The following MADD variants were observed in gnomAD, a reference collection of about 807,000 sequenced individuals.
MADD encodes MAP kinase-activating death domain protein.
Under a neutral mutation model 176.7 loss-of-function variants are expected in MADD, and 109 were observed. The observed-to-expected ratio is 0.62, with a 90% CI of 0.53 to 0.72. The LOEUF (loss-of-function observed/expected upper bound fraction) is 0.72, where lower values mean the gene tolerates loss of function less well. Among genes scored for constraint, MADD ranks in the 30% least tolerant of loss-of-function variants. The pLI, the probability that MADD is intolerant of heterozygous loss-of-function variation, is 0.00. For synonymous variants in MADD, 771 were observed against 771.3 expected, an observed-to-expected ratio of 1.00 and a Z score of 0.01; for missense variants, 1,914 against 2,045.5, an observed-to-expected ratio of 0.94 and a Z score of 1.24.
chr11:47,292,391 C>T (rs1446796511), intron 19 of MADD, 152 bp from the exon 21 acceptor site: 28 of 712,614 alleles, frequency 3.9e-5, no homozygotes, highest in Non-Finnish European at 6.8e-5. Flanking sequence ...TGTTTTCTGC[C>T]CCTTCTCCCC....
exon 23 of MADD, chr11:47,308,605 C>T: frequency 9.3e-6 from 15 of 1,613,894 alleles, no homozygotes; most frequent in Non-Finnish European, 1.3e-5. Context: ...AAGCCCACAG[C>T]TTGAAGCCAA....
intron 19 of MADD, 63 bp from the exon 21 acceptor site, chr11:47,292,480 C>CCATTGGGA: frequency 6.7e-7 from 1 of 1,496,824 alleles, no homozygotes; most frequent in Non-Finnish European, 9.3e-7. Context: ...GTTTCCATTT[C>CCATTGGGA]GTCTGTCTGA....
At chr11:47,295,656 T>C in intron 21 of MADD, 77 bp downstream of exon 23, 2 of 1,600,478 alleles carry the variant, frequency 1.2e-6, no homozygotes, top group Non-Finnish European at 1.7e-6. Flanking sequence ...ACTTTCTCTT[T>C]GGAGGCTGCT....
At chr11:47,275,186 G>C in intron 3 of MADD, 27 bp downstream of exon 3, 2 of 1,580,082 alleles carry the variant, frequency 1.3e-6, no homozygotes, top group Non-Finnish European at 1.7e-6. Flanking sequence ...ATGCCTAATG[G>C]GGGAAGCATT....
At chr11:47,272,431 T>G (rs1965664439) in intron 1 of MADD, 3 of 152,190 alleles carry the variant, frequency 2.0e-5, no homozygotes, top group African/African-American at 7.2e-5. Flanking sequence ...AGTGTGTATG[T>G]CTGTATATAT....
At chr11:47,327,454 C>T (rs1246754509) in intron 31 of MADD, 1 of 985,332 alleles carries the variant, frequency 1.0e-6, no homozygotes, top group Non-Finnish European at 1.2e-6. Flanking sequence ...GGTAAAGTGA[C>T]CTCGGCTCGT....
chr11:47,297,793 T>C lies in MADD; in HGVS notation c.3642+1738T>C, dbSNP rs866952290. ...TTTTCTTTTCTTTCTTTCTTTCTTTTTTTTTTTTTTTTTGAGATAGAATCT... is the reference window on the plus strand; with the variant it reads ...TTTTCTTTTCTTTCTTTCTTTCTTTCTTTTTTTTTTTTTGAGATAGAATCT... On this transcript the variant is annotated intron_variant, in intron 22 of 32. Coordinates refer to ENST00000402192, the Ensembl canonical transcript of MADD. Among the ~76,000 whole-genome samples, 69 of 144,668 alleles carry C rather than the reference T, an allele frequency of 4.8e-4. 1 individual carries two copies. The highest frequency in any genetic ancestry group is 5.6e-4 in the African/African-American group (22 of 39,204). 94.9% of individuals were successfully genotyped at this position (144,668 alleles called of 152,430 possible).
chr11:47,303,607 CTT>C lies in MADD; in HGVS notation c.3643-4967_3643-4966del, dbSNP rs137937344. On this transcript the variant is annotated intron_variant, in intron 22 of 32. Transcript: ENST00000402192. ...TGACTGTAATGTACCTTGGAGAGGC[CTT>C]TTTTTTTTTTTTTTTTGAGACAGTC... Among the ~76,000 whole-genome samples the C allele has an allele frequency of 3.5e-3, 372 of 105,514 alleles. 1 individual carries two copies. Among genetic ancestry groups the C allele is most frequent in the African/African-American group, 0.012 (317 of 26,998 alleles). 69.2% of individuals were successfully genotyped at this position (105,514 alleles called of 152,430 possible). A position where few individuals can be genotyped will look rare whatever the true frequency, so the allele number is the denominator to read the frequency against.
chr11:47,315,423 T>A (rs1351485360), intron 27 of MADD, 96 bp downstream of exon 30: 3 of 676,920 alleles, frequency 4.4e-6, no homozygotes, highest in Non-Finnish European at 7.9e-6. Flanking sequence ...TTTATCTCAT[T>A]CATCTTCATG....
At chr11:47,302,180 G>A (rs1279120660) in intron 22 of MADD, among the ~76,000 whole-genome samples, 1 of 151,966 alleles carries the variant, frequency 6.6e-6, no homozygotes, top group African/African-American at 2.4e-5. Context: ...TCCTCTTATT[G>A]TTATTACATA....
At chr11:47,269,284 GTAAA>G (rs911364823), upstream of MADD, 3 of 152,540 alleles carry the variant, frequency 2.0e-5, no homozygotes, top group Non-Finnish European at 2.9e-5. Flanking sequence ...CGCCATATGG[GTAAA>G]TGGAATGCTG....
At chr11:47,273,944 G>C in exon 2 of MADD, 1 of 1,614,102 alleles carries the variant, frequency 6.2e-7, no homozygotes, top group Non-Finnish European at 8.5e-7. Flanking sequence ...TCTGTCCTCG[G>C]TTACTTGACT....
At chr11:47,277,142 A>G (rs2050775574) in intron 5 of MADD, among the ~76,000 whole-genome samples, 1 of 152,182 alleles carries the variant, frequency 6.6e-6, no homozygotes, top group South Asian at 2.1e-4. Flanking sequence ...TCTGTGGAGG[A>G]CACATTCCAA....
intron 26 of MADD, among the ~76,000 whole-genome samples, chr11:47,314,999 C>T (rs534184759): frequency 2.2e-4 from 33 of 152,070 alleles, no homozygotes; most frequent in African/African-American, 7.5e-4. Flanking sequence ...ATAAATATAA[C>T]TCACATAAAC....
At chr11:47,328,161 C>T (rs2095659095) in intron 31 of MADD, 1 of 1,021,506 alleles carries the variant, frequency 9.8e-7, no homozygotes, top group Non-Finnish European at 1.2e-6. Context: ...CCTCAAGACC[C>T]TCTGTGTAGG....
At chr11:47,305,190 C>G (rs2081608594) in intron 22 of MADD, among the ~76,000 whole-genome samples, 1 of 152,126 alleles carries the variant, frequency 6.6e-6, no homozygotes, top group Non-Finnish European at 1.5e-5. Flanking sequence ...TCAGGTCTGA[C>G]TGACATGGCC....
At chr11:47,326,232 ATAT>A (rs771117301) in intron 30 of MADD, among the ~76,000 whole-genome samples, 2 of 152,218 alleles carry the variant, frequency 1.3e-5, no homozygotes, top group African/African-American at 2.4e-5. Flanking sequence ...GTGGTAGCTG[ATAT>A]TATTATCACC....
Position 47,285,052 on chromosome 11 carries a change from GAAAT to G in MADD, c.2270_2273del (p.Glu757ValfsTer57), listed in dbSNP as rs2059634758. 1 of 1,614,050 alleles carries G rather than the reference GAAAT, an allele frequency of 6.2e-7. No homozygotes were observed. Among genetic ancestry groups the G allele is most frequent in the Non-Finnish European group, 8.5e-7 (1 of 1,180,050 alleles). On this transcript the variant is annotated frameshift_variant, in exon 13 of 33. Coordinates refer to ENST00000402192, the Ensembl canonical transcript of MADD. LOFTEE classifies it high-confidence loss of function. The stretch of plus-strand genomic sequence containing the variant: ...ATCGAACGTGGACAGACGTCAGGCA[GAAAT>G]TGGAGAGGGGTCAGTGCGCCGGCGA...
rs1303127009 is a variant in MADD, at chr11:47,328,650, G to A, written c.4613-8G>A. The A allele has an allele frequency of 3.7e-6, 6 of 1,614,112 alleles. No individual in the cohort carries two copies. The highest frequency in any genetic ancestry group is 2.2e-5 in the East Asian group (1 of 44,898). ...TTTCTGTTTTGTCTCTTGCCCGTCC[G>A]GTTTTAGTTCCTGAAATTAAAGAAG... is the stretch of plus-strand genomic sequence containing the variant. On this transcript the variant is annotated splice_polypyrimidine_tract_variant and splice_region_variant and intron_variant, in intron 31 of 32. Transcript: ENST00000402192.
Sources: gnomAD v4.1 joint callset for allele counts (sites outside exome capture counted in the v4.1 genomes callset) on GRCh38, gnomAD v4.1.1 for gene constraint, MANE v1.5 for transcripts, NCBI Gene and HGNC (gene_info 2026-07-23, HGNC 2026-07-21) for gene names.